The following PTPN23 variants were observed in gnomAD, a reference collection of about 807,000 sequenced individuals.
The protein encoded by PTPN23 is tyrosine-protein phosphatase non-receptor type 23.
PTPN23 carries 72 observed loss-of-function variants against 156.3 expected under a neutral mutation model. The ratio of observed to expected loss-of-function variants is 0.46; its 90% CI spans 0.38 to 0.56. PTPN23 has a LOEUF of 0.56. PTPN23 is among the 20% of genes least tolerant of loss of function. The pLI is 0.00. For synonymous variants in PTPN23, 957 were observed against 899.6 expected (o/e 1.06, Z -1.14); for missense variants, 1,974 against 2,171.5 (o/e 0.91, Z 1.81).
chr3:47,408,587 C>A lies in PTPN23; in HGVS notation c.1330+97C>A, dbSNP rs571553291. The A allele has an allele frequency of 2.0e-6, 3 of 1,500,372 alleles. No individual in the cohort carries two copies. The Admixed American group carries it at 6.2e-5, about 31-fold the overall frequency. 92.9% of individuals were successfully genotyped at this position (1,500,372 alleles called of 1,614,324 possible). On this transcript the variant is annotated intron_variant, in intron 15 of 24. Transcript: ENST00000265562. The stretch of plus-strand genomic sequence containing the variant: ...TGGTCACTGAGGATGGAGGCTGCAC[C>A]CCTCTAGGCCCTGGCTTGGGCATCC...
Position 47,407,390 on chromosome 3 carries a change from G to C in PTPN23, c.923+23G>C. 1 of 1,613,476 alleles carries C rather than the reference G, an allele frequency of 6.2e-7. No homozygotes were observed. Among genetic ancestry groups the C allele is most frequent in the African/African-American group, 1.3e-5 (1 of 74,982 alleles). ...AAAGTGAGTCTGTGGGGGTGGCCCT[G>C]GTTCCCTCTTTTTGTGAAGGGTCTT... is the stretch of plus-strand genomic sequence containing the variant. On this transcript the variant is annotated intron_variant, in intron 11 of 24. Coordinates refer to ENST00000265562, the MANE Select transcript of PTPN23 (RefSeq NM_015466.4). The surrounding 1 kb of genome is among the most constrained non-coding windows in gnomAD (Gnocchi z 4.0).
chr3:47,392,621 T>G (rs1288852064), intron 1 of PTPN23, among the ~76,000 whole-genome samples: 1 of 152,126 alleles, frequency 6.6e-6, no homozygotes, highest in South Asian at 2.1e-4. Flanking sequence ...CCTAAAGTTC[T>G]TGGTAAATCC....
In PTPN23 at chr3:47,411,757, T is replaced by A. The variant is rs1469938581; in HGVS notation, c.3889-26T>A. 11 of 1,592,900 alleles carry A rather than the reference T, an allele frequency of 6.9e-6. No homozygotes were observed. Among genetic ancestry groups the A allele is most frequent in the Non-Finnish European group, 9.4e-6 (11 of 1,166,000 alleles). On this transcript the variant is annotated intron_variant, in intron 20 of 24. Transcript: ENST00000265562. This position sits in a 1 kb window ranked among gnomAD's most constrained non-coding sequence, Gnocchi z 6.3. ...GGGCAGGGGATCCTGGAAAACCAGG[T>A]CTGTCTTGGCTTATCTGTCCCTCAG...
intron 15 of PTPN23, 47 bp from the exon 16 acceptor site, chr3:47,408,729 C>A (rs762954975): frequency 1.3e-6 from 2 of 1,547,024 alleles, no homozygotes; most frequent in Non-Finnish European, 1.7e-6. Context: ...CCCATGGGTG[C>A]CCGGTCAGCC....
At position 47,407,249 on chromosome 3, in the gene PTPN23, G is replaced by A. The variant is rs982233206; in HGVS notation, c.865-60G>A. On this transcript the variant is annotated intron_variant, in intron 10 of 24. Coordinates refer to ENST00000265562, the MANE Select transcript of PTPN23 (RefSeq NM_015466.4). This position sits in a 1 kb window ranked among gnomAD's most constrained non-coding sequence, Gnocchi z 4.0. The stretch of plus-strand genomic sequence containing the variant: ...GGAGCAAGCCCGGTAGGACTGAGGG[G>A]GTGTCCTGGTGCCAGCCTTGGTTAG... The A allele has an allele frequency of 4.3e-6, 7 of 1,613,188 alleles. No individual in the cohort carries two copies. In the African/African-American group the frequency reaches 9.3e-5, roughly 22 times the overall value.
rs1227949020 is a variant in PTPN23, at chr3:47,411,697, G to T, written c.3888+11G>T. 2.5e-6 allele frequency: 4 copies of T among 1,599,916 alleles called. No homozygotes were observed. Among genetic ancestry groups the T allele is most frequent in the East Asian group, 2.2e-5 (1 of 44,530 alleles). On this transcript the variant is annotated intron_variant, in intron 20 of 24. Coordinates refer to ENST00000265562, the MANE Select transcript of PTPN23 (RefSeq NM_015466.4). The surrounding 1 kb of genome is among the most constrained non-coding windows in gnomAD (Gnocchi z 6.3). Reference sequence around the variant, plus strand: ...GCTGAGATGGAGAAGGTGAGAAGAGGGGGTGGGTGCCCACGAGGGCAGTGT... The same window carrying T: ...GCTGAGATGGAGAAGGTGAGAAGAGTGGGTGGGTGCCCACGAGGGCAGTGT...
intron 2 of PTPN23, among the ~76,000 whole-genome samples, chr3:47,396,823 G>A (rs988601622): frequency 2.2e-4 from 33 of 152,170 alleles, no homozygotes; most frequent in Admixed American, 2.0e-3. Context: ...CTACGCAGGA[G>A]TCTGAGGAGG....
intron 2 of PTPN23, among the ~76,000 whole-genome samples, chr3:47,397,749 A>G (rs1576217612): frequency 6.6e-6 from 1 of 152,206 alleles, no homozygotes; most frequent in Non-Finnish European, 1.5e-5. Context: ...AGCTCACTGC[A>G]ACCTCTACCT....
rs1179956333 is a variant in PTPN23, at chr3:47,405,183, G to A, written c.364+102G>A. 19 of 1,103,530 alleles carry A rather than the reference G, an allele frequency of 1.7e-5. No individual in the cohort carries two copies. In the Admixed American group the frequency reaches 3.5e-4, roughly 20 times the overall value. The allele number at this position is 1,103,530 out of a possible 1,614,324, so 68.4% of individuals were successfully genotyped here. ...AAAGGCAGTGGGCTGATAAAGGGAG[G>A]ACTCCAGGATTCCCGCCCCTCCACT... On this transcript the variant is annotated intron_variant, in intron 4 of 24. Transcript: ENST00000265562. This position sits in a 1 kb window ranked among gnomAD's most constrained non-coding sequence, Gnocchi z 4.7.
intron 2 of PTPN23, among the ~76,000 whole-genome samples, chr3:47,403,634 T>C (rs1224970428): frequency 1.3e-5 from 2 of 152,084 alleles, no homozygotes; most frequent in African/African-American, 4.8e-5. Context: ...GCTCAATCGA[T>C]CTTTTCCCGT....
chr3:47,383,729 G>A (rs976455120), intron 1 of PTPN23, among the ~76,000 whole-genome samples: 7 of 152,226 alleles, frequency 4.6e-5, no homozygotes, highest in Non-Finnish European at 1.0e-4. Flanking sequence ...GACCCAAAGG[G>A]TATTGTGTGA....
In PTPN23 at chr3:47,405,817, G is replaced by A; in HGVS notation, c.414+19G>A. 1.3e-6 allele frequency: 2 copies of A among 1,588,356 alleles called. No homozygotes were observed. The highest frequency in any genetic ancestry group is 1.7e-6 in the Non-Finnish European group (2 of 1,166,560). ...TGAGGAGGTGAGGAGAGGGGCAGTA[G>A]TGGAACATGTGGACATACCAGGGAG... On this transcript the variant is annotated intron_variant, in intron 5 of 24. Coordinates refer to ENST00000265562, the MANE Select transcript of PTPN23 (RefSeq NM_015466.4). This position sits in a 1 kb window ranked among gnomAD's most constrained non-coding sequence, Gnocchi z 4.7.
chr3:47,397,352 AAC>A (rs1480660635), intron 2 of PTPN23, among the ~76,000 whole-genome samples: 1 of 152,222 alleles, frequency 6.6e-6, no homozygotes, highest in East Asian at 1.9e-4. Flanking sequence ...GTCTGTAAAA[AAC>A]ACAGCACCTG....
In PTPN23 at chr3:47,410,493, C is replaced by T. The variant is rs1465851147; in HGVS notation, c.2695C>T (p.Pro899Ser). ...CATCCCCAGCCACACAGCCCCACGGCCAAACCCCACCCCTGCTCCTCCCCC... is the reference window on the plus strand; with the variant it reads ...CATCCCCAGCCACACAGCCCCACGGTCAAACCCCACCCCTGCTCCTCCCCC... ...APIPSHTAPR[P>S]NPTPAPPPPC... Residue 899 changes from proline (P) to serine (S), a missense_variant, in exon 20 of 25, where the codon CCA becomes TCA. Transcript: ENST00000265562. The T allele has an allele frequency of 1.2e-6, 2 of 1,606,726 alleles. No individual in the cohort carries two copies. Among genetic ancestry groups the T allele is most frequent in the South Asian group, 2.2e-5 (2 of 90,190 alleles).
chr3:47,408,282 C>A (rs1010394219), intron 14 of PTPN23, 63 bp from the exon 15 acceptor site: 1 of 1,580,142 alleles, frequency 6.3e-7, no homozygotes, highest in East Asian at 2.2e-5. Context: ...CCTAGCGGCT[C>A]CTTTGACATG....
At chr3:47,401,903 G>T (rs1174622210) in intron 2 of PTPN23, among the ~76,000 whole-genome samples, 1 of 152,136 alleles carries the variant, frequency 6.6e-6, no homozygotes, top group East Asian at 1.9e-4. Flanking sequence ...TGACTTTTCT[G>T]TTCCACTGTC....
At chr3:47,386,029 G>A (rs1704645491) in intron 1 of PTPN23, among the ~76,000 whole-genome samples, 1 of 152,150 alleles carries the variant, frequency 6.6e-6, no homozygotes, top group Non-Finnish European at 1.5e-5. Context: ...GGGTTGAACT[G>A]TACGTCATTA....
At position 47,410,315 on chromosome 3, in the gene PTPN23, A is replaced by C. The variant is rs756627948; in HGVS notation, c.2517A>C (p.Pro839=). ...TGGGCCTTGTGCCCCGATCCTCCCC[A>C]CAGCATGGCGTGGTGAGCAGTCCCT... is the stretch of plus-strand genomic sequence containing the variant. ...PELGLVPRSS[P]QHGVVSSPYV... Residue 839 remains proline, a synonymous_variant, in exon 20 of 25, where the codon CCA becomes CCC. Transcript: ENST00000265562. The C allele has an allele frequency of 1.2e-6, 2 of 1,605,226 alleles. No homozygotes were observed. The highest frequency in any genetic ancestry group is 1.1e-5 in the South Asian group (1 of 89,626).
intron 1 of PTPN23, among the ~76,000 whole-genome samples, chr3:47,393,676 T>C (rs1321192809): frequency 1.3e-5 from 2 of 152,196 alleles, no homozygotes; most frequent in Non-Finnish European, 2.9e-5. Context: ...TTTATGACTT[T>C]TCCTTTTTTT....
Sources: gnomAD v4.1 joint callset for allele counts (sites outside exome capture counted in the v4.1 genomes callset) on GRCh38, gnomAD v4.1.1 for gene constraint, Gnocchi (gnomAD v3.1) non-coding constraint, MANE v1.5 for transcripts, NCBI Gene and HGNC (gene_info 2026-07-23, HGNC 2026-07-21) for gene names.